Variants in ABLIM3 observed in about 807,000 individuals in gnomAD.
The protein encoded by ABLIM3 is actin-binding LIM protein 3.
In ABLIM3, 61 loss-of-function variants were observed where a neutral mutation model predicts 109.5. The observed-to-expected ratio is 0.56, with a 90% CI of 0.45 to 0.69. ABLIM3 has a LOEUF of 0.69. Among genes scored for constraint, ABLIM3 ranks in the 30% least tolerant of loss-of-function variants. ABLIM3 has a pLI of 0.00. For synonymous variants in ABLIM3, 300 were observed against 324.8 expected, an observed-to-expected ratio of 0.92 and a Z score of 0.82; for missense variants, 796 against 889.5, an observed-to-expected ratio of 0.89 and a Z score of 1.34.
At chr5:149,194,964 A>G (rs1757817103) in intron 3 of ABLIM3, among the ~76,000 whole-genome samples, 1 of 152,238 alleles carries the variant, frequency 6.6e-6, no homozygotes, top group Non-Finnish European at 1.5e-5. Flanking sequence ...TTCTCTATGT[A>G]TAATATATTT....
intron 8 of ABLIM3, among the ~76,000 whole-genome samples, chr5:149,228,611 T>C (rs1370527146): frequency 6.6e-6 from 1 of 152,248 alleles, no homozygotes; most frequent in Admixed American, 6.5e-5. Context: ...AGACCGTTAT[T>C]TCACAGGGAT....
At chr5:149,196,437 C>A (rs531224566) in intron 3 of ABLIM3, among the ~76,000 whole-genome samples, 1 of 152,322 alleles carries the variant, frequency 6.6e-6, no homozygotes, top group Admixed American at 6.5e-5. Context: ...AGAAAGCTGA[C>A]TTGTACTAAC....
At position 149,191,553 on chromosome 5, in the gene ABLIM3, A is replaced by G. The variant is rs935747552; in HGVS notation, c.152-6666A>G. ...TCTTTCAGAGAAGAGAAAAGGGTACACTTCCTAACTCATTTGAGCCAGCAC... is the reference window on the plus strand; with the variant it reads ...TCTTTCAGAGAAGAGAAAAGGGTACGCTTCCTAACTCATTTGAGCCAGCAC... On this transcript the variant is annotated intron_variant, in intron 3 of 23. Coordinates refer to ENST00000309868, the MANE Select transcript of ABLIM3 (RefSeq NM_014945.5). Among the ~76,000 whole-genome samples, 29 of 152,336 alleles carry G rather than the reference A, an allele frequency of 1.9e-4. No homozygotes were observed. The East Asian group carries it at 3.8e-3, about 20-fold the overall frequency.
chr5:149,248,859 GACACACACACACAC>G (rs55707887), intron 18 of ABLIM3, among the ~76,000 whole-genome samples: 30 of 144,698 alleles, frequency 2.1e-4, no homozygotes, highest in African/African-American at 6.3e-4. Context: ...CCTATTCCTG[GACACACACACACAC>G]ACACACACAC....
rs764905808 is a variant in ABLIM3, at chr5:149,210,707, T to C, written c.576-19T>C. ...GATCCTCCCTAACTTCCTCATCCTA[T>C]GTGAACTTCTTCTTGCAGGGATGGT... On this transcript the variant is annotated intron_variant, in intron 6 of 23. Transcript: ENST00000309868. The C allele has an allele frequency of 6.2e-7, 1 of 1,611,182 alleles. No homozygotes were observed. Among genetic ancestry groups the C allele is most frequent in the Non-Finnish European group, 8.5e-7 (1 of 1,177,324 alleles).
At chr5:149,211,391 C>G (rs929648153) in intron 7 of ABLIM3, among the ~76,000 whole-genome samples, 3 of 152,076 alleles carry the variant, frequency 2.0e-5, no homozygotes, top group Non-Finnish European at 4.4e-5. Context: ...GTCTTTCCGG[C>G]CTTTCTTCCT....
At chr5:149,165,686 C>A (rs1754756872) in intron 2 of ABLIM3, among the ~76,000 whole-genome samples, 1 of 152,124 alleles carries the variant, frequency 6.6e-6, no homozygotes, top group South Asian at 2.1e-4. Context: ...TCTACTGCAC[C>A]TCCTGGAAAG....
intron 16 of ABLIM3, among the ~76,000 whole-genome samples, chr5:149,245,903 C>A (rs965065094): frequency 6.6e-6 from 1 of 152,190 alleles, no homozygotes; most frequent in African/African-American, 2.4e-5. Context: ...TGGCTCACGC[C>A]CGTAATCCCA....
chr5:149,226,573 G>C (rs752393768), intron 8 of ABLIM3, among the ~76,000 whole-genome samples: 1 of 152,206 alleles, frequency 6.6e-6, no homozygotes, highest in East Asian at 1.9e-4. Context: ...CCACGTCAAG[G>C]AGTGGGAAGG....
rs1323864827 is a variant in ABLIM3 at position 149,247,913 on chromosome 5, G to C, written c.1683G>C (p.Glu561Asp). 2 of 1,614,050 alleles carry C rather than the reference G, an allele frequency of 1.2e-6. No homozygotes were observed. Among genetic ancestry groups the C allele is most frequent in the Non-Finnish European group, 1.7e-6 (2 of 1,180,022 alleles). ...SREALHTAGYEMSLNGSPRSH... is the reference protein window; with the variant it reads ...SREALHTAGYDMSLNGSPRSH... ...AAGCCCTGCACACAGCTGGCTATGA[G>C]ATGTCCCTCAATGGCTGTAAGCATG... The change falls in exon 18 of 24, where the codon GAG becomes GAC. Residue 561 changes from glutamate (E) to aspartate (D), a missense_variant. Transcript: ENST00000309868.
chr5:149,215,081 T>G (rs1199600234), intron 7 of ABLIM3, among the ~76,000 whole-genome samples: 1 of 152,228 alleles, frequency 6.6e-6, no homozygotes, highest in Non-Finnish European at 1.5e-5. Flanking sequence ...GCTGCTGAGA[T>G]GGGCACAAAG....
rs184492656 is a variant in ABLIM3 at position 149,164,760 on chromosome 5, G to T, written c.14-18692G>T. The stretch of plus-strand genomic sequence containing the variant: ...AGGGGAGAAGCAGGAAGTATTTCTA[G>T]AAGTATGTTGCATATGAGATAGGCC... On this transcript the variant is annotated intron_variant, in intron 2 of 23. Transcript: ENST00000309868. Among the ~76,000 whole-genome samples, 6 of 152,314 alleles carry T rather than the reference G, an allele frequency of 3.9e-5. No homozygotes were observed. The East Asian group carries it at 1.2e-3, about 29-fold the overall frequency.
chr5:149,148,838 G>A (rs1033800911), intron 2 of ABLIM3, among the ~76,000 whole-genome samples: 4 of 151,988 alleles, frequency 2.6e-5, no homozygotes, highest in African/African-American at 7.2e-5. Flanking sequence ...TCCTTCTGCC[G>A]AGAAAGCCCT....
At chr5:149,251,291 G>T in intron 20 of ABLIM3, 68 bp from the exon 21 acceptor site, 41 of 1,578,616 alleles carry the variant, frequency 2.6e-5, no homozygotes, top group Non-Finnish European at 3.6e-5. Flanking sequence ...TTCTGGAGGT[G>T]GGTGAGTGCT....
intron 2 of ABLIM3, among the ~76,000 whole-genome samples, chr5:149,142,393 T>G (rs538761448): frequency 7.9e-5 from 12 of 152,284 alleles, no homozygotes; most frequent in Admixed American, 5.2e-4. Flanking sequence ...TAGGAAGCAG[T>G]GTGTGGCCAT....
intron 2 of ABLIM3, among the ~76,000 whole-genome samples, chr5:149,143,366 A>AAAT (rs1427089689): frequency 6.6e-5 from 10 of 151,812 alleles, no homozygotes; most frequent in East Asian, 5.8e-4. Flanking sequence ...CTGTCTCAAA[A>AAAT]AATAATAATA....
At chr5:149,212,367 T>A (rs1759649060) in intron 7 of ABLIM3, among the ~76,000 whole-genome samples, 2 of 151,532 alleles carry the variant, frequency 1.3e-5, no homozygotes, top group African/African-American at 2.4e-5. Context: ...CAGGGTGGAG[T>A]TTGCATGTGA....
intron 2 of ABLIM3, among the ~76,000 whole-genome samples, chr5:149,170,625 G>A (rs115372692): frequency 7.2e-5 from 11 of 152,152 alleles, no homozygotes; most frequent in Non-Finnish European, 1.3e-4. Flanking sequence ...GGTGAAAAAC[G>A]CTGTTTGCAG....
intron 8 of ABLIM3, among the ~76,000 whole-genome samples, chr5:149,223,933 G>A (rs918262947): frequency 1.3e-5 from 2 of 152,188 alleles, no homozygotes; most frequent in South Asian, 4.1e-4. Context: ...ACAGGGACTA[G>A]CATTGCTGGT....
Sources: allele counts gnomAD v4.1 joint callset (sites outside exome capture counted in the v4.1 genomes callset), GRCh38; gene constraint gnomAD v4.1.1; transcripts MANE v1.5; gene names NCBI Gene and HGNC (gene_info 2026-07-23, HGNC 2026-07-21).